Variants in RBM33 observed in about 807,000 individuals in gnomAD.
RBM33 encodes the protein RNA binding motif protein 33, also known as RNA-binding protein 33.
A neutral mutation model predicts 132.6 loss-of-function variants in RBM33; 28 were observed. The observed-to-expected ratio is 0.21, with a 90% confidence interval of 0.16 to 0.29. The LOEUF (loss-of-function observed/expected upper bound fraction) is 0.29, where lower values mean the gene tolerates loss of function less well. Ranked by LOEUF, RBM33 falls within the 10% of genes least tolerant of loss-of-function variation. The pLI, the probability that RBM33 is intolerant of heterozygous loss-of-function variation, is 1.00. For missense variants in RBM33, 1,291 were observed against 1,518.5 expected (o/e 0.85, Z 2.49); for synonymous variants, 634 against 593.0 (o/e 1.07, Z -1.01).
At chr7:155,741,195 G>A (rs531583460) in intron 12 of RBM33, among the ~76,000 whole-genome samples, 21 of 152,158 alleles carry the variant, frequency 1.4e-4, no homozygotes, top group East Asian at 1.4e-3. Flanking sequence ...TTTGACCTGC[G>A]GGACCTCGGA....
At position 155,644,815 on chromosome 7, in the gene RBM33, A is replaced by T; in HGVS notation, c.-62A>T. ...CGTCACCCGTACCCGGGCCCGGACC[A>T]GGCACGTCGGCCCACCAGCTGGCTT... is the stretch of plus-strand genomic sequence containing the variant. On this transcript the variant is annotated 5_prime_UTR_variant, in exon 1 of 18. Coordinates refer to ENST00000401878, the MANE Select transcript of RBM33 (RefSeq NM_053043.3). 7.3e-7 allele frequency: 1 copy of T among 1,368,646 alleles called. No homozygotes were observed. Among genetic ancestry groups the T allele is most frequent in the Non-Finnish European group, 9.7e-7 (1 of 1,035,038 alleles). 84.8% of individuals were successfully genotyped at this position (1,368,646 alleles called of 1,614,324 possible).
intron 14 of RBM33, among the ~76,000 whole-genome samples, chr7:155,752,415 G>C (rs1801712803): frequency 6.6e-6 from 1 of 152,146 alleles, no homozygotes; most frequent in Non-Finnish European, 1.5e-5. Flanking sequence ...AGTAATTTTT[G>C]CTATTTTGAT....
chr7:155,776,140 CAT>C lies in RBM33; in HGVS notation c.*1102_*1103del, dbSNP rs1802601285. ...TGCGGGTAGGTTCCTGTAGGTGAGACATATTCTCCATAAAGCTACTGTAGTAG... is the reference window on the plus strand; with the variant it reads ...TGCGGGTAGGTTCCTGTAGGTGAGACATTCTCCATAAAGCTACTGTAGTAG... On this transcript the variant is annotated 3_prime_UTR_variant, in exon 18 of 18. Transcript: ENST00000401878. The surrounding 1 kb of genome is among the most constrained non-coding windows in gnomAD (Gnocchi z 4.0). 1 of 152,586 alleles carries C rather than the reference CAT, an allele frequency of 6.6e-6. No homozygotes were observed. Among genetic ancestry groups the C allele is most frequent in the Non-Finnish European group, 1.5e-5 (1 of 68,040 alleles). The allele number at this position is 152,586 out of a possible 1,614,324, so 9.5% of individuals were successfully genotyped here.
chr7:155,714,907 CG>C (rs1800414459), intron 8 of RBM33, among the ~76,000 whole-genome samples: 1 of 152,098 alleles, frequency 6.6e-6, no homozygotes, highest in African/African-American at 2.4e-5. Context: ...GTGATGGTGA[CG>C]GGCTGGCCCA....
chr7:155,714,433 G>A (rs1800400196), intron 8 of RBM33, among the ~76,000 whole-genome samples: 1 of 152,160 alleles, frequency 6.6e-6, no homozygotes, highest in African/African-American at 2.4e-5. Flanking sequence ...TGGTCACCAG[G>A]ACTGGAGGCA....
At chr7:155,737,479 C>G in intron 9 of RBM33, 51 bp from the exon 10 acceptor site, 8 of 1,519,394 alleles carry the variant, frequency 5.3e-6, no homozygotes, top group Non-Finnish European at 7.1e-6. Flanking sequence ...AAATTACATA[C>G]CATTTTTCTG....
At position 155,745,455 on chromosome 7, in the gene RBM33, C is replaced by T. The variant is rs200429457; in HGVS notation, c.2832C>T (p.Pro944=). ...CAGATGTGGAGGAGCCAGCTGTCCC[C>T]CAGACTCCTCGAGTGGCGTCCATCC... ...KPADVEEPAV[P]QTPRVASIQG... is the part of the protein sequence containing the mutation. Residue 944 remains proline, a synonymous_variant, in exon 14 of 18, where the codon CCC becomes CCT. Coordinates refer to ENST00000401878, the MANE Select transcript of RBM33 (RefSeq NM_053043.3). This position sits in a 1 kb window ranked among gnomAD's most constrained non-coding sequence, Gnocchi z 4.1. The T allele has an allele frequency of 1.2e-6, 2 of 1,613,834 alleles. No homozygotes were observed. The highest frequency in any genetic ancestry group is 3.3e-5 in the Admixed American group (2 of 60,004).
At chr7:155,674,598 A>G (rs1482785064) in intron 3 of RBM33, among the ~76,000 whole-genome samples, 1 of 152,156 alleles carries the variant, frequency 6.6e-6, no homozygotes, top group Non-Finnish European at 1.5e-5. Flanking sequence ...CTCCTCTCAT[A>G]AAAGCTTTGG....
chr7:155,700,421 C>G (rs1799922653), intron 5 of RBM33, among the ~76,000 whole-genome samples: 1 of 152,020 alleles, frequency 6.6e-6, no homozygotes, highest in African/African-American at 2.4e-5. Context: ...TTGAATTTCA[C>G]TATGATCTGT....
intron 8 of RBM33, among the ~76,000 whole-genome samples, chr7:155,717,712 A>G (rs937378804): frequency 6.6e-6 from 1 of 152,214 alleles, no homozygotes; most frequent in African/African-American, 2.4e-5. Context: ...GCTTAAACAC[A>G]TCTGATTTAG....
At chr7:155,741,782 C>G in intron 12 of RBM33, 37 bp from the exon 13 acceptor site, 1 of 1,570,272 alleles carries the variant, frequency 6.4e-7, no homozygotes. Context: ...TGCCAAGTTT[C>G]CACTTACAAT....
intron 5 of RBM33, among the ~76,000 whole-genome samples, chr7:155,698,123 C>G (rs1473989730): frequency 6.6e-6 from 1 of 152,074 alleles, no homozygotes; most frequent in Non-Finnish European, 1.5e-5. Context: ...AATCCCAGCA[C>G]TCTGGGAGGC....
chr7:155,676,909 A>G (rs1180362761), intron 3 of RBM33, among the ~76,000 whole-genome samples: 1 of 152,334 alleles, frequency 6.6e-6, no homozygotes, highest in Admixed American at 6.5e-5. Context: ...CTCACCCACC[A>G]CAGTACACAT....
intron 5 of RBM33, among the ~76,000 whole-genome samples, chr7:155,696,218 A>C (rs1469412488): frequency 2.6e-5 from 4 of 152,194 alleles, no homozygotes; most frequent in South Asian, 2.1e-4. Flanking sequence ...TATTTTGGCT[A>C]TTCATGGTCC....
chr7:155,742,919 C>T (rs1801397591), intron 13 of RBM33, among the ~76,000 whole-genome samples: 1 of 152,202 alleles, frequency 6.6e-6, no homozygotes, highest in African/African-American at 2.4e-5. Context: ...ATGTGGAGTG[C>T]TCTGAAGCAG....
At chr7:155,651,070 G>T (rs1798341481) in intron 1 of RBM33, among the ~76,000 whole-genome samples, 3 of 152,126 alleles carry the variant, frequency 2.0e-5, no homozygotes, top group African/African-American at 7.2e-5. Flanking sequence ...TAGAGACGGG[G>T]TTTTGCCACG....
At chr7:155,700,081 G>C (rs1036323146) in intron 5 of RBM33, among the ~76,000 whole-genome samples, 3 of 152,108 alleles carry the variant, frequency 2.0e-5, no homozygotes, top group Non-Finnish European at 2.9e-5. Flanking sequence ...ATTTGGGCTG[G>C]GGTTAGGGAA....
chr7:155,708,487 G>T (rs117123679), intron 7 of RBM33, among the ~76,000 whole-genome samples: 69 of 152,274 alleles, frequency 4.5e-4, no homozygotes, highest in African/African-American at 1.6e-3. Context: ...AAAAGTTGTT[G>T]AGCTCTGTTT....
In RBM33 at chr7:155,664,703, G is replaced by A. The variant is rs76622860; in HGVS notation, c.44-472G>A. On this transcript the variant is annotated intron_variant, in intron 1 of 17. Transcript: ENST00000401878. Reference sequence around the variant, plus strand: ...GCTACTAGAAAACCTAGAATTAGGTGTGTGCTTATATTTCCGTTGCTCAGC... The same window carrying A: ...GCTACTAGAAAACCTAGAATTAGGTATGTGCTTATATTTCCGTTGCTCAGC... Among the ~76,000 whole-genome samples the A allele has an allele frequency of 6.3e-3, 963 of 152,284 alleles. 17 individuals are homozygous for A. The highest frequency in any genetic ancestry group is 0.022 in the African/African-American group (894 of 41,562).
Sources: allele counts gnomAD v4.1 joint callset (sites outside exome capture counted in the v4.1 genomes callset), GRCh38; gene constraint gnomAD v4.1.1; non-coding constraint Gnocchi (gnomAD v3.1); transcripts MANE v1.5; gene names NCBI Gene and HGNC (gene_info 2026-07-23, HGNC 2026-07-21).